FRMD6: variants seen among roughly 807,000 people sequenced by gnomAD.
FRMD6 encodes FERM domain containing 6.
A neutral mutation model predicts 73.2 loss-of-function variants in FRMD6; 37 were observed. The observed-to-expected ratio is 0.51, with a 90% CI of 0.39 to 0.66. FRMD6 has a LOEUF of 0.66. Among genes scored for constraint, FRMD6 ranks in the 30% least tolerant of loss-of-function variants. The pLI, the probability that FRMD6 is intolerant of heterozygous loss-of-function variation, is 0.00. For synonymous variants in FRMD6, 273 were observed against 282.2 expected (o/e 0.97, Z 0.33); for missense variants, 714 against 780.5 (o/e 0.91, Z 1.02).
chr14:51,584,471 A>G (rs4898701), intron 2 of FRMD6, among the ~76,000 whole-genome samples: 141,137 of 152,296 alleles, frequency 0.93, 65,520 homozygotes, highest in South Asian at 0.95. Flanking sequence ...TGGCAGAAAT[A>G]GGGAAATTGG....
chr14:51,556,009 T>C (rs1444459346), intron 1 of FRMD6, among the ~76,000 whole-genome samples: 1 of 152,198 alleles, frequency 6.6e-6, no homozygotes, highest in African/African-American at 2.4e-5. Flanking sequence ...AGGTAGTCAT[T>C]TGTACCTACC....
the FRMD6 span, among the ~76,000 whole-genome samples, chr14:51,398,450 G>A: frequency 6.6e-6 from 1 of 152,006 alleles, no homozygotes; most frequent in Non-Finnish European, 1.5e-5. Context: ...AAGAACAATA[G>A]CTATGCAATT....
chr14:51,431,653 C>T, the FRMD6 span, among the ~76,000 whole-genome samples: 1 of 152,144 alleles, frequency 6.6e-6, no homozygotes, highest in Non-Finnish European at 1.5e-5. Flanking sequence ...GTAATACAAA[C>T]AAGACCTTGA....
At chr14:51,668,524 T>C (rs1893766863) in intron 1 of FRMD6, among the ~76,000 whole-genome samples, 1 of 152,102 alleles carries the variant, frequency 6.6e-6, no homozygotes, top group Non-Finnish European at 1.5e-5. Flanking sequence ...CGGGCTGGTC[T>C]TGAACCCCTG....
chr14:51,416,654 A>G, the FRMD6 span, among the ~76,000 whole-genome samples: 2 of 152,216 alleles, frequency 1.3e-5, no homozygotes, highest in Non-Finnish European at 2.9e-5. Context: ...AGAGTTCTGT[A>G]GATGTCTATT....
chr14:51,504,758 C>A (rs1883851782), intron 1 of FRMD6, among the ~76,000 whole-genome samples: 1 of 152,188 alleles, frequency 6.6e-6, no homozygotes, highest in Non-Finnish European at 1.5e-5. Flanking sequence ...AACTGCATTC[C>A]ATGTTGTGGC....
intron 1 of FRMD6, among the ~76,000 whole-genome samples, chr14:51,517,841 T>G (rs1337131146): frequency 6.7e-6 from 1 of 150,308 alleles, no homozygotes; most frequent in East Asian, 2.0e-4. Flanking sequence ...AACTCACAGA[T>G]AGTACTACTA....
chr14:51,722,569 G>A (rs1668058562), intron 12 of FRMD6, among the ~76,000 whole-genome samples: 1 of 152,040 alleles, frequency 6.6e-6, no homozygotes, highest in Admixed American at 6.6e-5. Context: ...GTGTCAAAAT[G>A]GGTTGACCTA....
At chr14:51,485,818 G>A (rs764041134), upstream of FRMD6, among the ~76,000 whole-genome samples, 23 of 151,940 alleles carry the variant, frequency 1.5e-4, no homozygotes, top group African/African-American at 5.3e-4. Context: ...CTACCTAAGC[G>A]AAAAACCTTT....
intron 1 of FRMD6, among the ~76,000 whole-genome samples, chr14:51,664,060 C>G (rs1893408270): frequency 6.6e-6 from 1 of 152,186 alleles, no homozygotes. Flanking sequence ...CAAACCATAG[C>G]AGTCCTTTTT....
the FRMD6 span, among the ~76,000 whole-genome samples, chr14:51,411,262 G>C: frequency 6.6e-6 from 1 of 152,176 alleles, no homozygotes; most frequent in Non-Finnish European, 1.5e-5. Context: ...AGAGGGAGTT[G>C]GCAGCAAGAG....
chr14:51,466,609 T>A, the FRMD6 span, among the ~76,000 whole-genome samples: 1 of 152,242 alleles, frequency 6.6e-6, no homozygotes, highest in Admixed American at 6.5e-5. Flanking sequence ...TATTGATGTA[T>A]GTATCTTTTT....
chr14:51,661,981 C>G (rs775437359), intron 1 of FRMD6, among the ~76,000 whole-genome samples: 52 of 152,210 alleles, frequency 3.4e-4, no homozygotes, highest in Admixed American at 1.0e-3. Flanking sequence ...AGCCTTTGAG[C>G]TTTTCCCTAG....
intron 5 of FRMD6, among the ~76,000 whole-genome samples, chr14:51,703,931 C>T (rs571261192): frequency 1.3e-5 from 2 of 152,158 alleles, no homozygotes; most frequent in South Asian, 4.1e-4. Context: ...ACAAAAGCAT[C>T]CTATTTGCCA....
intron 1 of FRMD6, among the ~76,000 whole-genome samples, chr14:51,498,655 C>T (rs1287026335): frequency 6.6e-6 from 1 of 152,128 alleles, no homozygotes; most frequent in Non-Finnish European, 1.5e-5. Flanking sequence ...TAGACTTTCT[C>T]ATGTGGTGGT....
intron 1 of FRMD6, among the ~76,000 whole-genome samples, chr14:51,678,867 G>A (rs1894584251): frequency 1.3e-5 from 2 of 151,926 alleles, no homozygotes; most frequent in African/African-American, 4.8e-5. Context: ...AATATGCAAG[G>A]GATAATATTG....
intron 1 of FRMD6, among the ~76,000 whole-genome samples, chr14:51,515,110 C>A (rs8009065): frequency 2.0e-5 from 3 of 152,004 alleles, no homozygotes; most frequent in Admixed American, 1.3e-4. Context: ...GAAGTAGAAC[C>A]ACATCACACA....
At chr14:51,660,509 A>G (rs188151123) in intron 1 of FRMD6, among the ~76,000 whole-genome samples, 1 of 152,046 alleles carries the variant, frequency 6.6e-6, no homozygotes, top group African/African-American at 2.4e-5. Flanking sequence ...CAACTATGAA[A>G]TTAAAATTAT....
rs143985373 is a variant in FRMD6, at chr14:51,681,233, T to C, written c.-146-8458T>C. ...AACCTCATTGGTTAAATACAGAAGT[T>C]AAATAATCTGTTAGCTGCCAACAGG... On this transcript the variant is annotated intron_variant, in intron 1 of 13. Transcript: ENST00000344768. Among the ~76,000 whole-genome samples, 398 of 152,326 alleles carry C rather than the reference T, an allele frequency of 2.6e-3. 7 individuals carry two copies. The highest frequency in any genetic ancestry group is 4.1e-4 in the Non-Finnish European group (28 of 68,034).
Sources: allele counts gnomAD v4.1 joint callset (sites outside exome capture counted in the v4.1 genomes callset), GRCh38; gene constraint gnomAD v4.1.1; transcripts MANE v1.5; gene names NCBI Gene and HGNC (gene_info 2026-07-23, HGNC 2026-07-21).